PTPRB: variants seen among roughly 807,000 people sequenced by gnomAD.
The protein encoded by PTPRB is receptor-type tyrosine-protein phosphatase beta.
PTPRB carries 97 observed loss-of-function variants against 238.1 expected under a neutral mutation model. That is an observed-to-expected ratio of 0.41 (90% CI 0.35 to 0.48). The LOEUF (loss-of-function observed/expected upper bound fraction) is 0.48. Ranked by LOEUF, PTPRB falls within the 20% of genes least tolerant of loss-of-function variation. The pLI is 0.30. For missense variants in PTPRB, 2,292 were observed against 2,681.9 expected (o/e 0.85, Z 3.21); for synonymous variants, 970 against 995.4 (o/e 0.97, Z 0.48).
intron 2 of PTPRB, among the ~76,000 whole-genome samples, chr12:70,632,518 G>A (rs975992425): frequency 1.3e-5 from 2 of 151,410 alleles, no homozygotes; most frequent in African/African-American, 4.9e-5. Context: ...CATGGCACAC[G>A]TATACCTATG....
intron 2 of PTPRB, among the ~76,000 whole-genome samples, chr12:70,628,041 G>C (rs1396354046): frequency 6.6e-6 from 1 of 152,094 alleles, no homozygotes; most frequent in Non-Finnish European, 1.5e-5. Flanking sequence ...ACTTTAACCA[G>C]CAGTTAAATC....
intron 32 of PTPRB, among the ~76,000 whole-genome samples, chr12:70,531,082 T>C (rs1390188): frequency 1.3e-3 from 203 of 152,336 alleles, no homozygotes; most frequent in African/African-American, 4.6e-3. Flanking sequence ...TCTGGTTCAA[T>C]TGTTACTGGC....
At chr12:70,595,755 G>A (rs944528300) in intron 5 of PTPRB, among the ~76,000 whole-genome samples, 1 of 152,108 alleles carries the variant, frequency 6.6e-6, no homozygotes, top group Admixed American at 6.5e-5. Flanking sequence ...TTGTTGCTTT[G>A]GATTTGAGTT....
chr12:70,557,360 C>T (rs1392784802), intron 18 of PTPRB, among the ~76,000 whole-genome samples: 3 of 152,116 alleles, frequency 2.0e-5, no homozygotes, highest in East Asian at 3.9e-4. Context: ...TAGCCTCACC[C>T]GATCCTAATA....
At chr12:70,538,427 A>C in intron 27 of PTPRB, 196 bp from the exon 28 acceptor site, 1 of 538,812 alleles carries the variant, frequency 1.9e-6, no homozygotes. Context: ...AGTCAGACAC[A>C]GGAGACAACA....
chr12:70,594,454 A>G lies in PTPRB; in HGVS notation c.1516+13T>C. On this transcript the variant is annotated intron_variant, in intron 6 of 33. Coordinates refer to ENST00000334414, the MANE Select transcript of PTPRB (RefSeq NM_001109754.4). ...TCACTTTATTCTTCTTCAGCTAGCT[A>G]GGGGGAACTTACCTGTCCTGACTAG... is the stretch of plus-strand genomic sequence containing the variant. The G allele has an allele frequency of 6.2e-7, 1 of 1,611,374 alleles. No individual in the cohort carries two copies. Among genetic ancestry groups the G allele is most frequent in the Non-Finnish European group, 8.5e-7 (1 of 1,177,952 alleles).
Position 70,520,803 on chromosome 12 carries a change from C to G in PTPRB, c.*686G>C, listed in dbSNP as rs1298863676. ...TCTATCAGAACCCTCAACCCTGCAT[C>G]CTACCATCCTGGGCTTGCACTGCAA... On this transcript the variant is annotated 3_prime_UTR_variant, in exon 34 of 34. Transcript: ENST00000334414. 1.3e-5 allele frequency: 2 copies of G among 152,516 alleles called. No individual in the cohort carries two copies. Among genetic ancestry groups the G allele is most frequent in the African/African-American group, 4.8e-5 (2 of 41,444 alleles). 9.4% of individuals were successfully genotyped at this position (152,516 alleles called of 1,614,324 possible).
Position 70,592,985 on chromosome 12 carries a change from G to A in PTPRB, c.1517-440C>T, listed in dbSNP as rs529581232. Among the ~76,000 whole-genome samples the A allele has an allele frequency of 3.3e-5, 5 of 152,272 alleles. No individual in the cohort carries two copies. The East Asian group carries it at 5.8e-4, about 18-fold the overall frequency. On this transcript the variant is annotated intron_variant, in intron 6 of 33. Coordinates refer to ENST00000334414, the MANE Select transcript of PTPRB (RefSeq NM_001109754.4). ...GAATGCACAAAAAGGTCTGCCATCT[G>A]CCTCATTTCTTATCGCCTTTATATA...
intron 2 of PTPRB, among the ~76,000 whole-genome samples, chr12:70,634,908 A>G (rs79020665): frequency 0.031 from 4,720 of 152,282 alleles, 99 homozygotes; most frequent in Non-Finnish European, 0.046. Context: ...GCAAACCTCT[A>G]ATAGAAGAGT....
In PTPRB at chr12:70,544,593, C is replaced by T; in HGVS notation, c.5458G>A (p.Asp1820Asn). ...LKEFTKPLYS[D>N]TFFSLPITTE... ...GTGATGGGTAAAGAAAAAAATGTGTCTGAATAGAGTGGCTTTGTGAATTCC... is the reference window on the plus strand; with the variant it reads ...GTGATGGGTAAAGAAAAAAATGTGTTTGAATAGAGTGGCTTTGTGAATTCC... The change falls in exon 22 of 34, where the codon GAC (aspartate) becomes AAC (asparagine). Residue 1820 changes from aspartate (D) to asparagine (N), a missense_variant. By Grantham distance (23) the Asp-to-Asn change is conservative. This residue lies in a region of PTPRB where 397 missense variants were observed against 502.0 expected (regional missense o/e 0.79). Transcript: ENST00000334414. The T allele has an allele frequency of 6.2e-7, 1 of 1,611,834 alleles. No homozygotes were observed. The highest frequency in any genetic ancestry group is 1.7e-5 in the Admixed American group (1 of 59,496).
chr12:70,543,699 C>T (rs1592432590), intron 22 of PTPRB, among the ~76,000 whole-genome samples: 1 of 152,256 alleles, frequency 6.6e-6, no homozygotes, highest in African/African-American at 2.4e-5. Flanking sequence ...GCTACGCAGA[C>T]GATGGTGTTG....
intron 32 of PTPRB, 52 bp from the exon 33 acceptor site, chr12:70,524,643 A>C: frequency 1.3e-5 from 20 of 1,519,338 alleles, no homozygotes; most frequent in Non-Finnish European, 1.6e-5. Flanking sequence ...ATGCATAAGA[A>C]AGATGAGAAA....
chr12:70,611,005 A>G (rs955493121), intron 3 of PTPRB, among the ~76,000 whole-genome samples: 9 of 152,242 alleles, frequency 5.9e-5, no homozygotes, highest in African/African-American at 2.2e-4. Flanking sequence ...CCCAATAACT[A>G]AAGAGCAAAA....
rs529713952 is a variant in PTPRB, at chr12:70,582,589, A to T, written c.2312-1287T>A. On this transcript the variant is annotated intron_variant, in intron 9 of 33. Transcript: ENST00000334414. ...AAAAGATAGTCTTTTCAATACATAG[A>T]GGTAGAATTATCAGATGTCTATATG... Among the ~76,000 whole-genome samples the T allele has an allele frequency of 9.3e-4, 141 of 152,252 alleles. 1 individual carries two copies. The highest frequency in any genetic ancestry group is 3.2e-3 in the African/African-American group (134 of 41,572).
At chr12:70,558,918 TA>T (rs1389947710) in intron 18 of PTPRB, 1 of 223,976 alleles carries the variant, frequency 4.5e-6, no homozygotes, top group East Asian at 9.4e-5. Flanking sequence ...CATCTTGGAA[TA>T]TTTTATTCTC....
At chr12:70,555,549 A>G (rs1415063445) in intron 19 of PTPRB, among the ~76,000 whole-genome samples, 1 of 152,168 alleles carries the variant, frequency 6.6e-6, no homozygotes, top group Non-Finnish European at 1.5e-5. Flanking sequence ...CTTCAGCAGA[A>G]TTTCCTGAAG....
intron 9 of PTPRB, among the ~76,000 whole-genome samples, chr12:70,582,207 C>T (rs575791635): frequency 2.0e-5 from 3 of 152,140 alleles, no homozygotes; most frequent in Admixed American, 6.5e-5. Flanking sequence ...ATCAAAGGGA[C>T]TGGAACCTTG....
intron 3 of PTPRB, among the ~76,000 whole-genome samples, chr12:70,613,458 C>G (rs1437301144): frequency 6.6e-6 from 1 of 152,092 alleles, no homozygotes; most frequent in East Asian, 1.9e-4. Context: ...TTGTGCCTGT[C>G]ATTTCCTCTT....
intron 2 of PTPRB, among the ~76,000 whole-genome samples, chr12:70,634,516 G>A (rs917133736): frequency 1.3e-5 from 2 of 152,102 alleles, no homozygotes; most frequent in South Asian, 4.1e-4. Flanking sequence ...ATAGGTAAAC[G>A]TGTGCCGTGG....
Sources: allele counts gnomAD v4.1 joint callset (sites outside exome capture counted in the v4.1 genomes callset), GRCh38; gene constraint gnomAD v4.1.1; regional missense constraint gnomAD v4.1.1; transcripts MANE v1.5; gene names NCBI Gene and HGNC (gene_info 2026-07-23, HGNC 2026-07-21).